Variants in TAOK3 observed in about 807,000 individuals in gnomAD.
The protein encoded by TAOK3 is TAO kinase 3.
Under a neutral mutation model 120.4 loss-of-function variants are expected in TAOK3, and 40 were observed. That is an observed-to-expected ratio of 0.33 (90% CI 0.26 to 0.43). The LOEUF (loss-of-function observed/expected upper bound fraction) is 0.43. Ranked by LOEUF, TAOK3 falls within the 20% of genes least tolerant of loss-of-function variation. The probability of loss-of-function intolerance (pLI) is 1.00; values close to 1 mark genes in which losing one functional copy is unlikely to be tolerated. For synonymous variants in TAOK3, 355 were observed against 387.5 expected (o/e 0.92, Z 0.99); for missense variants, 821 against 1,112.1 (o/e 0.74, Z 3.72).
intron 2 of TAOK3, among the ~76,000 whole-genome samples, chr12:118,263,028 A>G (rs2041299737): frequency 6.6e-6 from 1 of 152,210 alleles, no homozygotes; most frequent in Admixed American, 6.5e-5. Context: ...AGGACCCAGA[A>G]TAACCAAAGC....
intron 1 of TAOK3, among the ~76,000 whole-genome samples, chr12:118,309,594 C>A (rs2043189024): frequency 6.6e-6 from 1 of 151,836 alleles, no homozygotes; most frequent in Non-Finnish European, 1.5e-5. Flanking sequence ...TGGCTCACTG[C>A]AACCTCCGCC....
At chr12:118,260,516 A>G (rs1196666499) in intron 2 of TAOK3, among the ~76,000 whole-genome samples, 1 of 152,322 alleles carries the variant, frequency 6.6e-6, no homozygotes, top group Non-Finnish European at 1.5e-5. Context: ...AAACCAAACC[A>G]TAATTGATAT....
chr12:118,251,575 A>G (rs1263696049), intron 3 of TAOK3, among the ~76,000 whole-genome samples: 1 of 152,158 alleles, frequency 6.6e-6, no homozygotes, highest in African/African-American at 2.4e-5. Flanking sequence ...CCTACTGTAA[A>G]TGAGATCGTG....
chr12:118,321,330 G>A (rs1421862457), intron 1 of TAOK3, among the ~76,000 whole-genome samples: 4 of 151,920 alleles, frequency 2.6e-5, no homozygotes, highest in East Asian at 1.9e-4. Context: ...GCACAATCAC[G>A]GCTCACTGCA....
rs73412974 is a variant in TAOK3, at chr12:118,318,075, G to T, written c.-193-51316C>A. Among the ~76,000 whole-genome samples, 213 of 151,908 alleles carry T rather than the reference G, an allele frequency of 1.4e-3. 2 individuals carry two copies. The highest frequency in any genetic ancestry group is 5.2e-3 in the Admixed American group (79 of 15,260). On this transcript the variant is annotated intron_variant, in intron 1 of 20. Transcript: ENST00000392533. The stretch of plus-strand genomic sequence containing the variant: ...CTGGATATCCATAGGCCAAAAAAAT[G>T]AAGTTGGGCCCTTACTTTATACTAT...
chr12:118,199,511 T>C, intron 12 of TAOK3: 1 of 528,656 alleles, frequency 1.9e-6, no homozygotes, highest in Non-Finnish European at 3.4e-6. Flanking sequence ...TCCCAGGGCT[T>C]TCCCCTGTCA....
chr12:118,255,375 G>A (rs965807269), intron 3 of TAOK3, 73 bp downstream of exon 3: 1 of 1,535,248 alleles, frequency 6.5e-7, no homozygotes, highest in Non-Finnish European at 8.9e-7. Context: ...TTACAGGCGT[G>A]AGTCACTGTG....
Position 118,328,909 on chromosome 12 carries a change from C to T in TAOK3, c.-194+43739G>A, listed in dbSNP as rs1258953483. ...TTGCCTGTAATTCTATTCATTCATT[C>T]GGCAAATCTATTATGTGCCAGGCTT... On this transcript the variant is annotated intron_variant, in intron 1 of 20. Coordinates refer to ENST00000392533, the MANE Select transcript of TAOK3 (RefSeq NM_016281.4). Among the ~76,000 whole-genome samples the T allele has an allele frequency of 5.9e-5, 9 of 152,164 alleles. No homozygotes were observed. In the South Asian group the frequency reaches 8.3e-4, roughly 14 times the overall value.
At chr12:118,269,789 ATCTTT>A (rs1439323532) in intron 1 of TAOK3, among the ~76,000 whole-genome samples, 3 of 152,212 alleles carry the variant, frequency 2.0e-5, no homozygotes, top group African/African-American at 7.2e-5. Flanking sequence ...TCTCAGTTTT[ATCTTT>A]TCTTTGTTTG....
chr12:118,224,064 T>C (rs1419323421), intron 9 of TAOK3, among the ~76,000 whole-genome samples: 4 of 152,258 alleles, frequency 2.6e-5, no homozygotes, highest in Non-Finnish European at 5.9e-5. Flanking sequence ...ATGTTACATA[T>C]GTTATTCATA....
chr12:118,332,747 T>C (rs1171147219), intron 1 of TAOK3, among the ~76,000 whole-genome samples: 1 of 152,206 alleles, frequency 6.6e-6, no homozygotes, highest in African/African-American at 2.4e-5. Flanking sequence ...GTAGATCACA[T>C]AATCAACTTA....
At chr12:118,331,827 AT>A (rs1279110025) in intron 1 of TAOK3, among the ~76,000 whole-genome samples, 3,261 of 142,086 alleles carry the variant, frequency 0.023, 48 homozygotes, top group Non-Finnish European at 0.036. Context: ...AAATACATGA[AT>A]TTTTTTTTTT....
In TAOK3 at chr12:118,150,654, A is replaced by G. The variant is rs996645375; in HGVS notation, c.*343T>C. On this transcript the variant is annotated 3_prime_UTR_variant, in exon 21 of 21. Transcript: ENST00000392533. ...GTGGTAATGAGTGATTGCTTAAAGC[A>G]ATATACATCCACTTTTTTTGTTGTT... The G allele has an allele frequency of 3.2e-5, 6 of 188,916 alleles. No individual in the cohort carries two copies. Among genetic ancestry groups the G allele is most frequent in the Admixed American group, 5.6e-5 (1 of 17,782 alleles). 11.7% of individuals were successfully genotyped at this position (188,916 alleles called of 1,614,324 possible). A position where few individuals can be genotyped will look rare whatever the true frequency, so the allele number is the denominator to read the frequency against.
At chr12:118,355,933 T>C (rs945177335) in intron 1 of TAOK3, among the ~76,000 whole-genome samples, 1 of 152,216 alleles carries the variant, frequency 6.6e-6, no homozygotes, top group African/African-American at 2.4e-5. Context: ...ACAAAGCTAG[T>C]AGGTGGCAGA....
intron 1 of TAOK3, among the ~76,000 whole-genome samples, chr12:118,342,619 A>T (rs2044661312): frequency 6.6e-6 from 1 of 152,134 alleles, no homozygotes; most frequent in Admixed American, 6.6e-5. Flanking sequence ...CTGTTTTGGG[A>T]CATTTGAAAC....
chr12:118,254,592 C>G (rs150253500), intron 3 of TAOK3, among the ~76,000 whole-genome samples: 23 of 152,142 alleles, frequency 1.5e-4, no homozygotes, highest in Middle Eastern at 3.4e-3. Context: ...TAAAGGGTAT[C>G]TTGCAAAAGT....
At chr12:118,355,184 A>C (rs949933824) in intron 1 of TAOK3, among the ~76,000 whole-genome samples, 1 of 152,226 alleles carries the variant, frequency 6.6e-6, no homozygotes, top group African/African-American at 2.4e-5. Flanking sequence ...ACAGGATAAG[A>C]GGGGACTATT....
At chr12:118,198,585 C>T (rs2037863209) in intron 13 of TAOK3, 1 of 167,878 alleles carries the variant, frequency 6.0e-6, no homozygotes, top group African/African-American at 2.4e-5. Context: ...CGGGGTTTCG[C>T]CATGTTGGCC....
rs1300649281 is a variant in TAOK3, at chr12:118,371,411, C to T, written c.-194+1237G>A. On this transcript the variant is annotated intron_variant, in intron 1 of 20. Coordinates refer to ENST00000392533, the MANE Select transcript of TAOK3 (RefSeq NM_016281.4). The surrounding 1 kb of genome is among the most constrained non-coding windows in gnomAD (Gnocchi z 5.5). ...GGGCCAGTGAGAAGAGGTCAGGCCG[C>T]GCAGGTCTCTTGATCATTCCAAGAT... Among the ~76,000 whole-genome samples the T allele has an allele frequency of 1.3e-5, 2 of 152,138 alleles. No homozygotes were observed. Among genetic ancestry groups the T allele is most frequent in the African/African-American group, 2.4e-5 (1 of 41,442 alleles).
Sources: gnomAD v4.1 joint callset for allele counts (sites outside exome capture counted in the v4.1 genomes callset) on GRCh38, gnomAD v4.1.1 for gene constraint, Gnocchi (gnomAD v3.1) non-coding constraint, MANE v1.5 for transcripts, NCBI Gene and HGNC (gene_info 2026-07-23, HGNC 2026-07-21) for gene names.